NR3C2: variants seen among roughly 807,000 people sequenced by gnomAD.
NR3C2 encodes nuclear receptor subfamily 3 group C member 2.
Under a neutral mutation model 86.4 loss-of-function variants are expected in NR3C2, and 15 were observed. The observed-to-expected ratio is 0.17, with a 90% CI of 0.12 to 0.27. The LOEUF (loss-of-function observed/expected upper bound fraction) is 0.27, where lower values mean the gene tolerates loss of function less well. Ranked by LOEUF, NR3C2 falls within the 10% of genes least tolerant of loss-of-function variation. The pLI is 1.00. For missense variants in NR3C2, 960 were observed against 1,195.6 expected (o/e 0.80, Z 2.91); for synonymous variants, 458 against 450.5 (o/e 1.02, Z -0.21).
intron 2 of NR3C2, among the ~76,000 whole-genome samples, chr4:148,399,800 GCTTA>G (rs1406618464): frequency 6.6e-6 from 1 of 151,916 alleles, no homozygotes; most frequent in Non-Finnish European, 1.5e-5. Flanking sequence ...ATCCTAAAAA[GCTTA>G]CTTTACTCAA....
At chr4:148,123,401 A>G (rs1732601534) in intron 6 of NR3C2, among the ~76,000 whole-genome samples, 2 of 151,970 alleles carry the variant, frequency 1.3e-5, no homozygotes, top group African/African-American at 4.8e-5. Flanking sequence ...TGCTTTTTGC[A>G]CTTTGTCCTG....
At chr4:148,444,618 T>C, upstream of NR3C2, 5 of 986,882 alleles carry the variant, frequency 5.1e-6, no homozygotes, top group Non-Finnish European at 6.0e-6. Flanking sequence ...GCAAGTCCAA[T>C]ATTGGCTGAT....
intron 2 of NR3C2, among the ~76,000 whole-genome samples, chr4:148,319,694 A>C (rs1012610455): frequency 6.6e-6 from 1 of 151,010 alleles, no homozygotes; most frequent in Non-Finnish European, 1.5e-5. Flanking sequence ...TTGTTGGTGT[A>C]TAAGAATGCT....
At chr4:148,225,967 C>T (rs1326268927) in intron 3 of NR3C2, among the ~76,000 whole-genome samples, 1 of 152,120 alleles carries the variant, frequency 6.6e-6, no homozygotes, top group Non-Finnish European at 1.5e-5. Context: ...TTTCAGATAT[C>T]TGTAATGCAT....
intron 2 of NR3C2, among the ~76,000 whole-genome samples, chr4:148,400,802 A>AAG (rs1560711200): frequency 1.7e-4 from 24 of 144,964 alleles, no homozygotes; most frequent in African/African-American, 4.7e-4. Flanking sequence ...AAAAAAAAAA[A>AAG]AGAGAGAGAC....
At chr4:148,225,890 T>C (rs2149832897) in intron 3 of NR3C2, among the ~76,000 whole-genome samples, 1 of 152,268 alleles carries the variant, frequency 6.6e-6, no homozygotes, top group Admixed American at 6.5e-5. Flanking sequence ...TTTTTCCTCT[T>C]TCAACAAGGA....
intron 2 of NR3C2, among the ~76,000 whole-genome samples, chr4:148,402,587 C>T (rs1359078192): frequency 6.6e-6 from 1 of 152,154 alleles, no homozygotes; most frequent in African/African-American, 2.4e-5. Context: ...ACAGTTAGAA[C>T]ATGTCTTCGA....
chr4:148,269,643 A>C (rs190978294), intron 2 of NR3C2, among the ~76,000 whole-genome samples: 2,798 of 150,720 alleles, frequency 0.019, 28 homozygotes, highest in Middle Eastern at 0.041. Flanking sequence ...ACAACAAAAA[A>C]CCCCCCCAAA....
At chr4:148,141,125 C>T (rs998190548) in intron 6 of NR3C2, among the ~76,000 whole-genome samples, 3 of 152,074 alleles carry the variant, frequency 2.0e-5, no homozygotes, top group Non-Finnish European at 2.9e-5. Context: ...AAACAGTTAC[C>T]GAGCGCCAGT....
intron 2 of NR3C2, among the ~76,000 whole-genome samples, chr4:148,401,300 C>T (rs1312268059): frequency 6.6e-6 from 1 of 152,114 alleles, no homozygotes; most frequent in African/African-American, 2.4e-5. Flanking sequence ...TATCCATTCT[C>T]CTGTCTCCCT....
intron 2 of NR3C2, among the ~76,000 whole-genome samples, chr4:148,327,897 G>A (rs1744045899): frequency 6.6e-6 from 1 of 152,152 alleles, no homozygotes; most frequent in Non-Finnish European, 1.5e-5. Flanking sequence ...AGCATCATGT[G>A]CACCTGCATA....
At chr4:148,114,283 T>G (rs749492809) in intron 7 of NR3C2, 22 bp from the exon 8 acceptor site, 10 of 1,613,072 alleles carry the variant, frequency 6.2e-6, no homozygotes, top group Non-Finnish European at 6.8e-6. Context: ...AAAACAGACA[T>G]GTAAATTTCC....
At chr4:148,235,400 G>A (rs562838515) in intron 3 of NR3C2, among the ~76,000 whole-genome samples, 1 of 151,756 alleles carries the variant, frequency 6.6e-6, no homozygotes, top group African/African-American at 2.4e-5. Context: ...TAGAAGTGAG[G>A]TTATGGATAT....
chr4:148,277,315 T>C lies in NR3C2; in HGVS notation c.1758-17198A>G, dbSNP rs536066785. Among the ~76,000 whole-genome samples, 12 of 152,334 alleles carry C rather than the reference T, an allele frequency of 7.9e-5. No homozygotes were observed. The East Asian group carries it at 1.7e-3, about 22-fold the overall frequency. ...TAAACTATTAAAACAACATGAATCA[T>C]TGCTGTATAGAAAATAATGCACCTT... On this transcript the variant is annotated intron_variant, in intron 2 of 8. Transcript: ENST00000358102.
chr4:148,220,756 A>G (rs1737796173), intron 3 of NR3C2, among the ~76,000 whole-genome samples: 1 of 152,212 alleles, frequency 6.6e-6, no homozygotes. Flanking sequence ...TGATTGTGCC[A>G]CTGCACTCCA....
intron 4 of NR3C2, among the ~76,000 whole-genome samples, chr4:148,161,254 TATTG>T (rs1193690429): frequency 2.6e-5 from 4 of 152,228 alleles, no homozygotes; most frequent in Non-Finnish European, 2.9e-5. Flanking sequence ...TAACACACAT[TATTG>T]ATTTTGTTGA....
At chr4:148,386,274 C>G (rs1267977366) in intron 2 of NR3C2, among the ~76,000 whole-genome samples, 2 of 152,114 alleles carry the variant, frequency 1.3e-5, no homozygotes, top group Admixed American at 6.5e-5. Flanking sequence ...ACTTTAACAC[C>G]AAAATTAACA....
chr4:148,370,022 C>T (rs141610668), intron 2 of NR3C2, among the ~76,000 whole-genome samples: 10 of 152,290 alleles, frequency 6.6e-5, no homozygotes, highest in Admixed American at 1.3e-4. Context: ...GATGATGCAG[C>T]CAGCCCATCC....
At chr4:148,175,345 A>G (rs1735327211) in intron 4 of NR3C2, among the ~76,000 whole-genome samples, 1 of 152,174 alleles carries the variant, frequency 6.6e-6, no homozygotes, top group South Asian at 2.1e-4. Context: ...TGCTCCATTC[A>G]GATTTACTGT....
Sources: gnomAD v4.1 joint callset for allele counts (sites outside exome capture counted in the v4.1 genomes callset) on GRCh38, gnomAD v4.1.1 for gene constraint, MANE v1.5 for transcripts, NCBI Gene and HGNC (gene_info 2026-07-23, HGNC 2026-07-21) for gene names.